ADAMTSL3: variants seen among roughly 807,000 people sequenced by gnomAD.
ADAMTSL3 encodes the protein ADAMTS like 3, also known as ADAMTS-like protein 3.
Under a neutral mutation model 201.7 loss-of-function variants are expected in ADAMTSL3, and 128 were observed. The ratio of observed to expected loss-of-function variants is 0.63; its 90% CI spans 0.55 to 0.73. ADAMTSL3 has a LOEUF of 0.73. ADAMTSL3 is among the 30% of genes least tolerant of loss of function. The pLI is 0.00. For missense variants in ADAMTSL3, 1,990 were observed against 2,119.6 expected (o/e 0.94, Z 1.20); for synonymous variants, 738 against 748.4 (o/e 0.99, Z 0.23).
intron 6 of ADAMTSL3, among the ~76,000 whole-genome samples, chr15:83,823,908 TTCTTC>T (rs2063941633): frequency 2.1e-5 from 1 of 48,634 alleles, no homozygotes; most frequent in African/African-American, 5.8e-5. Context: ...CTTCTTCTTC[TTCTTC>T]TTCTTCTTCT....
At chr15:83,864,647 A>T in intron 8 of ADAMTSL3, among the ~76,000 whole-genome samples, 1 of 152,228 alleles carries the variant, frequency 6.6e-6, no homozygotes, top group South Asian at 2.1e-4. Flanking sequence ...ACAAACCCAC[A>T]GCCAATATCA....
At chr15:84,000,611 T>G (rs2067774695) in intron 23 of ADAMTSL3, among the ~76,000 whole-genome samples, 1 of 152,228 alleles carries the variant, frequency 6.6e-6, no homozygotes, top group Non-Finnish European at 1.5e-5. Context: ...GATGTCATAA[T>G]GCAAAAATAG....
rs118003521 is a variant in ADAMTSL3 at position 83,843,802 on chromosome 15, C to T, written c.727+5587C>T. Among the ~76,000 whole-genome samples, 16 of 152,288 alleles carry T rather than the reference C, an allele frequency of 1.1e-4. No individual in the cohort carries two copies. In the East Asian group the frequency reaches 2.9e-3, roughly 28 times the overall value. ...CATTTCCATCACGCAGTGAGGCAGA[C>T]ACAAGGTGTAAGAGCCTGGAGCCAA... On this transcript the variant is annotated intron_variant, in intron 7 of 29. Transcript: ENST00000286744.
intron 10 of ADAMTSL3, among the ~76,000 whole-genome samples, chr15:83,886,612 A>G (rs2065396547): frequency 6.6e-6 from 1 of 152,298 alleles, no homozygotes; most frequent in South Asian, 2.1e-4. Context: ...ATACAGGCTC[A>G]GGTATGGTCT....
At chr15:83,929,787 C>G (rs987220647) in intron 17 of ADAMTSL3, among the ~76,000 whole-genome samples, 7 of 151,680 alleles carry the variant, frequency 4.6e-5, no homozygotes, top group Non-Finnish European at 8.8e-5. Flanking sequence ...GAGACAGACA[C>G]ACACACACAC....
chr15:83,827,562 T>C (rs2064052725), intron 6 of ADAMTSL3, among the ~76,000 whole-genome samples: 2 of 152,190 alleles, frequency 1.3e-5, no homozygotes, highest in Non-Finnish European at 2.9e-5. Flanking sequence ...TTGCTTTTGG[T>C]GTTTTGGACA....
At chr15:83,781,207 A>C (rs562824205) in intron 4 of ADAMTSL3, among the ~76,000 whole-genome samples, 4 of 152,368 alleles carry the variant, frequency 2.6e-5, no homozygotes, top group African/African-American at 9.6e-5. Flanking sequence ...CCTGACTTAC[A>C]GCTATACTTC....
Position 83,657,541 on chromosome 15 carries a change from A to G in ADAMTSL3, c.69+1711A>G, listed in dbSNP as rs940301526. Among the ~76,000 whole-genome samples the G allele has an allele frequency of 5.6e-4, 85 of 152,380 alleles. 1 individual carries two copies. Among genetic ancestry groups the G allele is most frequent in the African/African-American group, 2.0e-3 (82 of 41,594 alleles). On this transcript the variant is annotated intron_variant, in intron 2 of 29. Coordinates refer to ENST00000286744, the MANE Select transcript of ADAMTSL3 (RefSeq NM_207517.3). ...GTTTTCACATCTATACAGAGGAGATAATATTAGTATAGACCTCAGAATTGT... is the reference window on the plus strand; with the variant it reads ...GTTTTCACATCTATACAGAGGAGATGATATTAGTATAGACCTCAGAATTGT...
At chr15:83,995,946 C>T (rs1178986882) in intron 23 of ADAMTSL3, among the ~76,000 whole-genome samples, 1 of 151,986 alleles carries the variant, frequency 6.6e-6, no homozygotes, top group African/African-American at 2.4e-5. Context: ...AATGCGGAGC[C>T]CACAGCAGAT....
At position 83,913,119 on chromosome 15, in the gene ADAMTSL3, C is replaced by T. The variant is rs1260949403; in HGVS notation, c.1728C>T (p.Cys576=). 6.2e-7 allele frequency: 1 copy of T among 1,614,124 alleles called. No homozygotes were observed. Among genetic ancestry groups the T allele is most frequent in the Non-Finnish European group, 8.5e-7 (1 of 1,180,024 alleles). Residue 576 remains cysteine (C), a synonymous_variant, in exon 16 of 30, where the codon TGC becomes TGT. Transcript: ENST00000286744. The stretch of plus-strand genomic sequence containing the variant: ...TCATTCCAGAACCCTGGTCAGCCTG[C>T]AGTACCACGTGTGGGCCGGGTGTGC... ...PTFIPEPWSA[C]STTCGPGVQV...
intron 3 of ADAMTSL3, among the ~76,000 whole-genome samples, chr15:83,738,837 A>G (rs2062408377): frequency 6.6e-6 from 1 of 152,100 alleles, no homozygotes; most frequent in African/African-American, 2.4e-5. Context: ...TGGAGGTTGC[A>G]TTGAGCCGAG....
intron 20 of ADAMTSL3, among the ~76,000 whole-genome samples, chr15:83,980,596 C>G (rs2067370006): frequency 6.6e-6 from 1 of 152,122 alleles, no homozygotes; most frequent in South Asian, 2.1e-4. Flanking sequence ...TGTGGCAGTT[C>G]ATCCAGCTCC....
intron 6 of ADAMTSL3, among the ~76,000 whole-genome samples, chr15:83,836,310 G>C (rs912967222): frequency 6.6e-6 from 1 of 152,046 alleles, no homozygotes; most frequent in Non-Finnish European, 1.5e-5. Flanking sequence ...GCTTAAACCT[G>C]TAGCTTTCAC....
At chr15:83,787,089 TG>T (rs2063276838) in intron 4 of ADAMTSL3, among the ~76,000 whole-genome samples, 1 of 152,204 alleles carries the variant, frequency 6.6e-6, no homozygotes, top group African/African-American at 2.4e-5. Flanking sequence ...GGTTGACACA[TG>T]GTTGATCATA....
At chr15:83,757,728 A>G (rs1230771290) in intron 3 of ADAMTSL3, among the ~76,000 whole-genome samples, 4 of 152,082 alleles carry the variant, frequency 2.6e-5, no homozygotes, top group South Asian at 4.2e-4. Context: ...CTGAACTTTT[A>G]TGCTCTGTTT....
intron 23 of ADAMTSL3, among the ~76,000 whole-genome samples, chr15:84,001,999 T>C (rs1365592119): frequency 1.3e-5 from 2 of 152,232 alleles, no homozygotes; most frequent in African/African-American, 4.8e-5. Context: ...ATTTGGATTA[T>C]TGATTTAGCA....
At chr15:83,912,204 T>C (rs2065947100) in intron 15 of ADAMTSL3, among the ~76,000 whole-genome samples, 1 of 152,228 alleles carries the variant, frequency 6.6e-6, no homozygotes, top group South Asian at 2.1e-4. Context: ...GTTTTAGGCA[T>C]TGTAGGCCAA....
At chr15:83,951,888 G>A (rs2066765505) in intron 19 of ADAMTSL3, among the ~76,000 whole-genome samples, 1 of 151,842 alleles carries the variant, frequency 6.6e-6, no homozygotes, top group African/African-American at 2.4e-5. Context: ...AATTTATTGG[G>A]GTGTTCTCTC....
chr15:83,976,736 A>C (rs1267570211), intron 20 of ADAMTSL3, among the ~76,000 whole-genome samples: 2 of 152,084 alleles, frequency 1.3e-5, no homozygotes, highest in Admixed American at 1.3e-4. Context: ...GAGTTCAGGC[A>C]GTAATGGCAG....
Sources: gnomAD v4.1 joint callset for allele counts (sites outside exome capture counted in the v4.1 genomes callset) on GRCh38, gnomAD v4.1.1 for gene constraint, MANE v1.5 for transcripts, NCBI Gene and HGNC (gene_info 2026-07-23, HGNC 2026-07-21) for gene names.